GLP2R: variants seen among roughly 807,000 people sequenced by gnomAD.
The protein encoded by GLP2R is glucagon-like peptide 2 receptor.
A neutral mutation model predicts 68.2 loss-of-function variants in GLP2R; 59 were observed. The observed-to-expected ratio is 0.87, with a 90% CI of 0.70 to 1.07. The LOEUF (loss-of-function observed/expected upper bound fraction) is 1.07. Among genes scored for constraint, GLP2R ranks in the 50% least tolerant of loss-of-function variants. The pLI is 0.00. For missense variants in GLP2R, 548 were observed against 677.4 expected (o/e 0.81, Z 2.12); for synonymous variants, 270 against 265.4 (o/e 1.02, Z -0.17).
rs372034314 is a variant in GLP2R, at chr17:9,883,291, A to G, written c.1284+2775A>G. Among the ~76,000 whole-genome samples the G allele has an allele frequency of 5.9e-5, 9 of 152,318 alleles. No homozygotes were observed. The East Asian group carries it at 1.3e-3, about 23-fold the overall frequency. On this transcript the variant is annotated intron_variant, in intron 11 of 12. Transcript: ENST00000262441. The stretch of plus-strand genomic sequence containing the variant: ...AACCTGTGAGCTTGAAGATAGGTCA[A>G]TGAGATTACCCAGTCTGTGGAAAAG...
Position 9,890,926 on chromosome 17 carries a change from A to C in GLP2R, c.*1221A>C, listed in dbSNP as rs2067285312. 6.6e-6 allele frequency: 1 copy of C among 152,258 alleles called. No individual in the cohort carries two copies. Among genetic ancestry groups the C allele is most frequent in the South Asian group, 2.1e-4 (1 of 4,826 alleles). The allele number at this position is 152,258 out of a possible 1,614,324, so 9.4% of individuals were successfully genotyped here. On this transcript the variant is annotated 3_prime_UTR_variant, in exon 13 of 13. Coordinates refer to ENST00000262441, the MANE Select transcript of GLP2R (RefSeq NM_004246.3). ...CAGTTGGGGTCAGGCTCAATGACTG[A>C]AAGTATAGGGCAAGAGGCTGTAGGA...
chr17:9,886,956 A>G (rs967674079), intron 11 of GLP2R, among the ~76,000 whole-genome samples: 6 of 152,198 alleles, frequency 3.9e-5, no homozygotes, highest in East Asian at 1.9e-4. Context: ...TATCAGACAC[A>G]CTGCCCAAAT....
At chr17:9,830,233 G>A (rs1176673043) in intron 1 of GLP2R, among the ~76,000 whole-genome samples, 1 of 152,202 alleles carries the variant, frequency 6.6e-6, no homozygotes, top group African/African-American at 2.4e-5. Context: ...GAGGATAGGG[G>A]AACATTACTC....
At chr17:9,882,991 C>A (rs946777918) in intron 11 of GLP2R, among the ~76,000 whole-genome samples, 686 of 125,404 alleles carry the variant, frequency 5.5e-3, no homozygotes, top group Middle Eastern at 9.8e-3. Context: ...ATACTCAGGA[C>A]AAAAAAAAAA....
chr17:9,832,678 C>T (rs959440641), intron 1 of GLP2R, among the ~76,000 whole-genome samples: 2 of 151,746 alleles, frequency 1.3e-5, no homozygotes, highest in African/African-American at 2.4e-5. Flanking sequence ...TTGCAGTGAG[C>T]GGAGATTGTC....
intron 1 of GLP2R, among the ~76,000 whole-genome samples, chr17:9,832,242 A>T (rs2066686732): frequency 6.6e-6 from 1 of 152,052 alleles, no homozygotes; most frequent in South Asian, 2.1e-4. Context: ...ATTTGAGACC[A>T]GCCTGGGAAA....
chr17:9,826,286 T>C (rs1478965974), intron 1 of GLP2R, 34 bp downstream of exon 1: 3 of 1,465,468 alleles, frequency 2.0e-6, no homozygotes, highest in Admixed American at 2.4e-5. Flanking sequence ...TTATTATCAG[T>C]TGTATTTCCT....
intron 1 of GLP2R, among the ~76,000 whole-genome samples, chr17:9,829,546 A>T (rs941629201): frequency 6.6e-6 from 1 of 152,202 alleles, no homozygotes; most frequent in Admixed American, 6.5e-5. Context: ...AAACTAAATT[A>T]TATCACTTTT....
intron 1 of GLP2R, among the ~76,000 whole-genome samples, chr17:9,832,588 G>A (rs190689896): frequency 3.6e-4 from 55 of 152,022 alleles, no homozygotes; most frequent in East Asian, 1.2e-3. Context: ...AAACTTAGCC[G>A]AGCATGGGGG....
intron 10 of GLP2R, among the ~76,000 whole-genome samples, chr17:9,875,006 T>G (rs1186606018): frequency 6.6e-6 from 1 of 152,196 alleles, no homozygotes; most frequent in Non-Finnish European, 1.5e-5. Context: ...CCATTTTCAT[T>G]GGCCACCATT....
rs528344211 is a variant in GLP2R at position 9,870,801 on chromosome 17, G to T, written c.1111G>T (p.Ala371Ser). Residue 371 changes from alanine (A) to serine (S), a missense_variant, in exon 10 of 13, where the codon GCT (alanine) becomes TCT (serine). Coordinates refer to ENST00000262441, the MANE Select transcript of GLP2R (RefSeq NM_004246.3). The part of the protein sequence containing the change: ...ILKLLISKLK[A>S]HQMCFRDYKY... The stretch of plus-strand genomic sequence containing the variant: ...CAAGCTTCTCATTTCTAAGCTCAAA[G>T]CTCATCAAATGTGCTTCAGAGATTA... 6.3e-6 allele frequency: 10 copies of T among 1,579,992 alleles called. No individual in the cohort carries two copies. Among genetic ancestry groups the T allele is most frequent in the Admixed American group, 1.7e-5 (1 of 59,922 alleles).
chr17:9,867,242 G>C (rs907250911), intron 9 of GLP2R, among the ~76,000 whole-genome samples: 1 of 152,174 alleles, frequency 6.6e-6, no homozygotes, highest in African/African-American at 2.4e-5. Context: ...CCCAGGTTCC[G>C]GCTCCCTGGT....
intron 10 of GLP2R, among the ~76,000 whole-genome samples, chr17:9,873,555 A>ATTTTTTTTTTTTTTTTTTT (rs1359984269): frequency 6.7e-5 from 2 of 30,020 alleles, no homozygotes; most frequent in Non-Finnish European, 1.1e-4. Context: ...CTATGCATGG[A>ATTTTTTTTTTTTTTTTTTT]CTTTTTTTTT....
chr17:9,877,773 A>T (rs2067154789), intron 10 of GLP2R, among the ~76,000 whole-genome samples: 1 of 151,414 alleles, frequency 6.6e-6, no homozygotes, highest in Admixed American at 6.6e-5. Context: ...GGTACTCGGG[A>T]AGCTGAGGCA....
chr17:9,868,039 T>C (rs1409491818), intron 9 of GLP2R, among the ~76,000 whole-genome samples: 1 of 152,174 alleles, frequency 6.6e-6, no homozygotes, highest in Non-Finnish European at 1.5e-5. Context: ...AAAACTTAGC[T>C]TTGCTACACC....
At chr17:9,881,815 C>A (rs756223605) in intron 11 of GLP2R, among the ~76,000 whole-genome samples, 10 of 152,142 alleles carry the variant, frequency 6.6e-5, no homozygotes, top group Non-Finnish European at 1.0e-4. Context: ...CTGGGAGGGG[C>A]AGCTCATTAG....
rs756870728 is a variant in GLP2R at position 9,861,935 on chromosome 17, C to T, written c.987-86C>T. On this transcript the variant is annotated intron_variant, in intron 8 of 12. Coordinates refer to ENST00000262441, the MANE Select transcript of GLP2R (RefSeq NM_004246.3). ...GGAAGTAGGGCTTGAGTGCAAGCAT[C>T]CTTCTTCCAGAGAGCATGAGGCTTT... 3.2e-6 allele frequency: 3 copies of T among 933,716 alleles called. No individual in the cohort carries two copies. In the East Asian group the frequency reaches 7.2e-5, roughly 22 times the overall value. 57.8% of individuals were successfully genotyped at this position (933,716 alleles called of 1,614,324 possible). A position where few individuals can be genotyped will look rare whatever the true frequency, so the allele number is the denominator to read the frequency against.
chr17:9,855,795 A>G (rs1299797913), intron 5 of GLP2R, among the ~76,000 whole-genome samples: 1 of 152,180 alleles, frequency 6.6e-6, no homozygotes, highest in African/African-American at 2.4e-5. Flanking sequence ...CAGGATCACA[A>G]ACAAGCAGTC....
At chr17:9,843,131 G>C (rs1000450343) in intron 4 of GLP2R, among the ~76,000 whole-genome samples, 20 of 151,962 alleles carry the variant, frequency 1.3e-4, no homozygotes, top group Non-Finnish European at 2.9e-5. Context: ...AGATCCACTG[G>C]TGACAGGGGA....
Sources: allele counts gnomAD v4.1 joint callset (sites outside exome capture counted in the v4.1 genomes callset), GRCh38; gene constraint gnomAD v4.1.1; transcripts MANE v1.5; gene names NCBI Gene and HGNC (gene_info 2026-07-23, HGNC 2026-07-21).